The following PCDH15 variants were observed in gnomAD, a reference collection of about 807,000 sequenced individuals.
The protein encoded by PCDH15 is protocadherin related 15.
A neutral mutation model predicts 178.5 loss-of-function variants in PCDH15; 129 were observed. The observed-to-expected ratio is 0.72, with a 90% CI of 0.63 to 0.84. PCDH15 has a LOEUF of 0.84. Ranked by LOEUF, PCDH15 falls within the 40% of genes least tolerant of loss-of-function variation. PCDH15 has a pLI of 0.00. For missense variants in PCDH15, 2,230 were observed against 2,099.9 expected, an observed-to-expected ratio of 1.06 and a Z score of -1.21; for synonymous variants, 800 against 732.0, an observed-to-expected ratio of 1.09 and a Z score of -1.50.
At chr10:53,977,573 A>T (rs560556434) in intron 21 of PCDH15, among the ~76,000 whole-genome samples, 1 of 152,182 alleles carries the variant, frequency 6.6e-6, no homozygotes, top group Non-Finnish European at 1.5e-5. Context: ...ACACAGCCAA[A>T]CCACATCATT....
intron 2 of PCDH15, among the ~76,000 whole-genome samples, chr10:54,639,719 G>A (rs958656371): frequency 2.0e-5 from 3 of 152,004 alleles, no homozygotes; most frequent in Non-Finnish European, 2.9e-5. Flanking sequence ...TGTAAAATCC[G>A]CAAAATGTAT....
At chr10:53,839,253 T>C (rs2077499566) in intron 29 of PCDH15, among the ~76,000 whole-genome samples, 1 of 149,618 alleles carries the variant, frequency 6.7e-6, no homozygotes, top group South Asian at 2.1e-4. Context: ...TAAATAATTA[T>C]GGCTTTTAAA....
At chr10:54,122,680 T>G (rs927265481) in intron 15 of PCDH15, among the ~76,000 whole-genome samples, 2 of 152,078 alleles carry the variant, frequency 1.3e-5, no homozygotes, top group Non-Finnish European at 2.9e-5. Flanking sequence ...TTATTAGAAC[T>G]GATCAACAAT....
chr10:54,162,154 G>C, intron 13 of PCDH15, among the ~76,000 whole-genome samples: 1 of 152,070 alleles, frequency 6.6e-6, no homozygotes, highest in East Asian at 1.9e-4. Flanking sequence ...ACTTGTTCAT[G>C]TATTGTTTCA....
chr10:54,286,650 G>A (rs981004149), intron 8 of PCDH15, among the ~76,000 whole-genome samples: 1 of 151,958 alleles, frequency 6.6e-6, no homozygotes, highest in Non-Finnish European at 1.5e-5. Context: ...TTTTTGAAAG[G>A]AGTCTTGCTC....
At chr10:55,145,766 AT>A (rs5785117) in intron 2 of PCDH15, among the ~76,000 whole-genome samples, 56,353 of 151,628 alleles carry the variant, frequency 0.37, 10,863 homozygotes, top group Admixed American at 0.47. Context: ...GAACAAAAAA[AT>A]ATTATTTTCC....
chr10:55,058,464 C>A (rs1841358846), intron 2 of PCDH15, among the ~76,000 whole-genome samples: 1 of 152,092 alleles, frequency 6.6e-6, no homozygotes, highest in Admixed American at 6.6e-5. Flanking sequence ...CCTGTCTCGG[C>A]TCTCAAAGTG....
chr10:53,915,372 AAGAT>A (rs2083447186), intron 25 of PCDH15, among the ~76,000 whole-genome samples: 1 of 152,226 alleles, frequency 6.6e-6, no homozygotes, highest in South Asian at 2.1e-4. Flanking sequence ...GCTAGGCAGA[AAGAT>A]AGATTGATCT....
chr10:54,141,403 T>C (rs547508440), intron 14 of PCDH15, among the ~76,000 whole-genome samples: 11 of 152,248 alleles, frequency 7.2e-5, no homozygotes, highest in African/African-American at 2.4e-4. Context: ...TAAACACAAA[T>C]AGTACATTAT....
intron 2 of PCDH15, among the ~76,000 whole-genome samples, chr10:54,538,181 C>A (rs1381111252): frequency 6.6e-6 from 1 of 152,034 alleles, no homozygotes; most frequent in Admixed American, 6.6e-5. Flanking sequence ...GCCATAAATT[C>A]TTTGTAAATG....
At chr10:54,207,529 T>G (rs2384418) in intron 10 of PCDH15, among the ~76,000 whole-genome samples, 136,714 of 151,994 alleles carry the variant, frequency 0.9, 61,642 homozygotes, top group East Asian at 0.98. Context: ...TAGACTGACT[T>G]CTTTTTGAGC....
intron 1 of PCDH15, among the ~76,000 whole-genome samples, chr10:55,194,375 C>T (rs1047543203): frequency 1.3e-5 from 2 of 151,946 alleles, no homozygotes; most frequent in Admixed American, 6.6e-5. Flanking sequence ...AAGTAGTTAA[C>T]GTAATAAATT....
intron 13 of PCDH15, among the ~76,000 whole-genome samples, chr10:54,158,977 G>A (rs1236069662): frequency 1.3e-5 from 2 of 151,746 alleles, no homozygotes; most frequent in Middle Eastern, 3.2e-3. Flanking sequence ...GCGTGGTGGC[G>A]AGCACATGTA....
intron 2 of PCDH15, among the ~76,000 whole-genome samples, chr10:55,055,267 G>A (rs890011903): frequency 1.3e-5 from 2 of 152,142 alleles, no homozygotes. Context: ...AGAAAAATAA[G>A]TCTTTTAATG....
chr10:55,076,764 CTTTTTTTTTTTT>C, intron 2 of PCDH15, among the ~76,000 whole-genome samples: 1 of 106,784 alleles, frequency 9.4e-6, no homozygotes, highest in Non-Finnish European at 1.8e-5. Context: ...GGCCTGTGAC[CTTTTTTTTTTTT>C]TTTTTTTTTT....
At chr10:55,606,695 T>C (rs369671165) in intron 2 of PCDH15, among the ~76,000 whole-genome samples, 1 of 146,878 alleles carries the variant, frequency 6.8e-6, no homozygotes, top group African/African-American at 2.5e-5. Flanking sequence ...GCTAGCCATA[T>C]GTAGAAAGCT....
At chr10:54,692,755 C>G (rs2095149082) in intron 1 of PCDH15, among the ~76,000 whole-genome samples, 1 of 92,880 alleles carries the variant, frequency 1.1e-5, no homozygotes, top group African/African-American at 4.0e-5. Context: ...ATAGGAATGT[C>G]AATCTCAGAT....
intron 3 of PCDH15, among the ~76,000 whole-genome samples, chr10:54,889,911 T>C (rs1282828527): frequency 6.6e-6 from 1 of 151,956 alleles, no homozygotes; most frequent in Non-Finnish European, 1.5e-5. Flanking sequence ...GCACCCATAG[T>C]ATCTTGAAAT....
At chr10:55,020,776 G>T (rs1289122386) in intron 2 of PCDH15, among the ~76,000 whole-genome samples, 1 of 152,072 alleles carries the variant, frequency 6.6e-6, no homozygotes, top group Non-Finnish European at 1.5e-5. Context: ...GATCTTAACT[G>T]TAAAGGTTTT....
Sources: gnomAD v4.1 joint callset for allele counts (sites outside exome capture counted in the v4.1 genomes callset) on GRCh38, gnomAD v4.1.1 for gene constraint, MANE v1.5 for transcripts, NCBI Gene and HGNC (gene_info 2026-07-23, HGNC 2026-07-21) for gene names.